The following FADS2 variants were observed in gnomAD, a reference collection of about 807,000 sequenced individuals.
FADS2 encodes the protein acyl-CoA 6-desaturase.
In FADS2, 18 loss-of-function variants were observed where a neutral mutation model predicts 61.2. The ratio of observed to expected loss-of-function variants is 0.29; its 90% CI spans 0.20 to 0.44. The LOEUF is 0.44. FADS2 is among the 20% of genes least tolerant of loss of function. The pLI is 1.00. For missense variants in FADS2, 322 were observed against 572.7 expected (o/e 0.56, Z 4.47); for synonymous variants, 203 against 223.9 (o/e 0.91, Z 0.83).
upstream of FADS2, chr11:61,826,235 T>A: frequency 1.4e-6 from 1 of 702,332 alleles, no homozygotes; most frequent in South Asian, 1.5e-5. Context: ...TTCTTTGAAC[T>A]TCATTCATTC....
In FADS2 at chr11:61,828,641, C is replaced by G; in HGVS notation, c.207+44C>G. 1 of 1,557,314 alleles carries G rather than the reference C, an allele frequency of 6.4e-7. No individual in the cohort carries two copies. Among genetic ancestry groups the G allele is most frequent in the Non-Finnish European group, 8.8e-7 (1 of 1,140,840 alleles). On this transcript the variant is annotated intron_variant, in intron 1 of 11. Transcript: ENST00000278840. The surrounding 1 kb of genome is among the most constrained non-coding windows in gnomAD (Gnocchi z 6.4). ...CCCAGCCACCCTTCTCTGCTGCAGGCGGAGTCAGGATCCCTGGCTCCCCGT... is the reference window on the plus strand; with the variant it reads ...CCCAGCCACCCTTCTCTGCTGCAGGGGGAGTCAGGATCCCTGGCTCCCCGT...
chr11:61,847,051 A>T (rs1283080997), intron 4 of FADS2: 2 of 151,558 alleles, frequency 1.3e-5, no homozygotes, highest in African/African-American at 4.9e-5. Context: ...TTCCTGCCTC[A>T]GCCTCCCGAG....
chr11:61,853,278 C>T (rs2067325038), intron 5 of FADS2, among the ~76,000 whole-genome samples: 1 of 69,084 alleles, frequency 1.4e-5, no homozygotes, highest in African/African-American at 6.3e-5. Flanking sequence ...TCCCTCCCTT[C>T]CCTCCCTCCC....
chr11:61,822,797 CA>C (rs1170290277), intron 1 of FADS2, among the ~76,000 whole-genome samples: 1 of 152,214 alleles, frequency 6.6e-6, no homozygotes, highest in East Asian at 1.9e-4. Flanking sequence ...TATAAACACA[CA>C]TATATATACT....
chr11:61,816,524 C>G lies in FADS2; in HGVS notation c.141+98C>G. ...CCTGCACTCAGCCTCCGGTCCCGCC[C>G]TCTCCTGTGCCCCCGCCTGGCTGCG... On this transcript the variant is annotated intron_variant, in intron 1 of 11. Transcript: ENST00000257261. This position sits in a 1 kb window ranked among gnomAD's most constrained non-coding sequence, Gnocchi z 7.0. The G allele has an allele frequency of 6.3e-7, 1 of 1,596,950 alleles. No homozygotes were observed. Among genetic ancestry groups the G allele is most frequent in the South Asian group, 1.1e-5 (1 of 89,332 alleles).
chr11:61,823,611 G>A (rs1374692259), upstream of FADS2, among the ~76,000 whole-genome samples: 3 of 152,128 alleles, frequency 2.0e-5, no homozygotes, highest in Non-Finnish European at 4.4e-5. Context: ...CCACCTCTGC[G>A]GTTCAAGCAT....
intron 1 of FADS2, among the ~76,000 whole-genome samples, chr11:61,830,629 G>T (rs926632382): frequency 6.6e-6 from 1 of 152,200 alleles, no homozygotes; most frequent in Non-Finnish European, 1.5e-5. Flanking sequence ...GATGTTGGTT[G>T]CTTTGTTACT....
At chr11:61,862,892 T>C (rs1319833783) in intron 7 of FADS2, 80 bp from the exon 8 acceptor site, 4 of 1,073,148 alleles carry the variant, frequency 3.7e-6, no homozygotes, top group East Asian at 2.4e-5. Flanking sequence ...GAGTGTGAGG[T>C]GTGTGCACAT....
intron 2 of FADS2, among the ~76,000 whole-genome samples, chr11:61,839,010 GT>G (rs973820265): frequency 6.6e-6 from 1 of 152,022 alleles, no homozygotes; most frequent in African/African-American, 2.4e-5. Flanking sequence ...TAGCACCTTG[GT>G]CATGCCCTGT....
At position 61,857,377 on chromosome 11, in the gene FADS2, T is replaced by C. The variant is rs113448651; in HGVS notation, c.806-77T>C. 28 of 1,330,582 alleles carry C rather than the reference T, an allele frequency of 2.1e-5. 1 individual carries two copies. In the African/African-American group the frequency reaches 3.0e-4, roughly 14 times the overall value. The allele number at this position is 1,330,582 out of a possible 1,614,324, so 82.4% of individuals were successfully genotyped here. A position where few individuals can be genotyped will look rare whatever the true frequency, so the allele number is the denominator to read the frequency against. On this transcript the variant is annotated intron_variant, in intron 6 of 11. Transcript: ENST00000278840. The stretch of plus-strand genomic sequence containing the variant: ...CAGGGCTGGCCCCTGCACTCAGTGC[T>C]GGGCCTGGGTTCCCCTGACCTTCCG...
intron 5 of FADS2, among the ~76,000 whole-genome samples, chr11:61,853,305 TTCC>T: frequency 7.9e-6 from 1 of 125,826 alleles, no homozygotes; most frequent in South Asian, 3.1e-4. Context: ...CCTTCCTTCC[TTCC>T]TTCCTTCCTT....
At chr11:61,860,498 T>C (rs941866712) in intron 7 of FADS2, among the ~76,000 whole-genome samples, 3 of 152,212 alleles carry the variant, frequency 2.0e-5, no homozygotes, top group African/African-American at 7.2e-5. Context: ...CCTGTTGGCT[T>C]CCAGGTCCCC....
chr11:61,840,993 G>A (rs1046382205), intron 4 of FADS2, among the ~76,000 whole-genome samples: 3 of 151,724 alleles, frequency 2.0e-5, no homozygotes, highest in Admixed American at 2.0e-4. Context: ...ATTTTTTGAT[G>A]TTCCTTAGCT....
At chr11:61,826,570 C>T (rs1428101541), upstream of FADS2, 4 of 600,110 alleles carry the variant, frequency 6.7e-6, no homozygotes, top group Admixed American at 2.9e-5. Context: ...TGACAGTCCT[C>T]AAGGCCACCA....
At chr11:61,852,894 T>A (rs1432942762) in intron 5 of FADS2, among the ~76,000 whole-genome samples, 1 of 151,980 alleles carries the variant, frequency 6.6e-6, no homozygotes, top group Non-Finnish European at 1.5e-5. Flanking sequence ...GTGGCTCACA[T>A]CTGTAATCCC....
intron 1 of FADS2, among the ~76,000 whole-genome samples, chr11:61,819,869 C>T (rs1282852265): frequency 7.5e-6 from 1 of 132,452 alleles, no homozygotes; most frequent in Admixed American, 8.1e-5. Context: ...CTCCCCCCTC[C>T]CCCGAATCAA....
At chr11:61,839,767 C>T (rs2067203475) in intron 2 of FADS2, among the ~76,000 whole-genome samples, 2 of 152,220 alleles carry the variant, frequency 1.3e-5, no homozygotes, top group Admixed American at 1.3e-4. Flanking sequence ...TCCTCATTCT[C>T]CCACCTCTCA....
At chr11:61,818,282 T>C (rs1215416685) in intron 1 of FADS2, among the ~76,000 whole-genome samples, 3 of 152,164 alleles carry the variant, frequency 2.0e-5, no homozygotes, top group African/African-American at 4.8e-5. Context: ...CAAGTTCCCA[T>C]AGGGAAGTTT....
In FADS2 at chr11:61,844,785, C is replaced by T. The variant is rs573204526; in HGVS notation, c.619-3374C>T. 4.0e-5 allele frequency among the ~76,000 whole-genome samples: 6 copies of T among 148,346 alleles called. No homozygotes were observed. In the East Asian group the frequency reaches 8.4e-4, roughly 21 times the overall value. On this transcript the variant is annotated intron_variant, in intron 4 of 11. Coordinates refer to ENST00000278840, the MANE Select transcript of FADS2 (RefSeq NM_004265.4). ...CTAAAAATACAAAAAATTAGCCGGG[C>T]GTGGTGGCACACGCCTGCAGTCCCA...
Sources: gnomAD v4.1 joint callset for allele counts (sites outside exome capture counted in the v4.1 genomes callset) on GRCh38, gnomAD v4.1.1 for gene constraint, Gnocchi (gnomAD v3.1) non-coding constraint, MANE v1.5 for transcripts, NCBI Gene and HGNC (gene_info 2026-07-23, HGNC 2026-07-21) for gene names.